Variants in CPS1 observed in about 807,000 individuals in gnomAD.
The protein encoded by CPS1 is carbamoyl-phosphate synthase 1.
A neutral mutation model predicts 174.6 loss-of-function variants in CPS1; 109 were observed. The observed-to-expected ratio is 0.62, with a 90% confidence interval of 0.53 to 0.73. The LOEUF is 0.73. CPS1 is among the 30% of genes least tolerant of loss of function. The pLI is 0.00. For missense variants in CPS1, 1,689 were observed against 1,821.9 expected (o/e 0.93, Z 1.33); for synonymous variants, 637 against 632.0 (o/e 1.01, Z -0.12).
intron 21 of CPS1, among the ~76,000 whole-genome samples, chr2:210,625,465 T>C (rs139862614): frequency 2.0e-5 from 3 of 152,138 alleles, no homozygotes; most frequent in African/African-American, 4.8e-5. Flanking sequence ...GATGTACAGT[T>C]TTTAGGAGGT....
rs750003966 is a variant in CPS1 at position 210,675,730 on chromosome 2, G to A, written c.4164G>A (p.Leu1388=). Residue 1388 remains leucine, a splice_region_variant and synonymous_variant, in exon 36 of 38, where the codon CTG becomes CTA. Coordinates refer to ENST00000233072, the MANE Select transcript of CPS1 (RefSeq NM_001875.5). The part of the protein sequence containing the change: ...AEQLHNEGFK[L]FATEATSDWL... ...TGATTTTTTCATTTTAAATGCAGCT[G>A]TTTGCCACGGAAGCCACATCAGACT... The A allele has an allele frequency of 5.2e-6, 8 of 1,528,100 alleles. No individual in the cohort carries two copies. In the African/African-American group the frequency reaches 9.6e-5, roughly 18 times the overall value. 94.7% of individuals were successfully genotyped at this position (1,528,100 alleles called of 1,614,324 possible). A position where few individuals can be genotyped will look rare whatever the true frequency, so the allele number is the denominator to read the frequency against.
Position 210,558,614 on chromosome 2 carries a change from T to C in CPS1, c.126+1755T>C, listed in dbSNP as rs1233245083. Among the ~76,000 whole-genome samples the C allele has an allele frequency of 2.0e-5, 3 of 151,890 alleles. 1 individual carries two copies. The highest frequency in any genetic ancestry group is 4.4e-5 in the Non-Finnish European group (3 of 67,934). ...TCTTCTCACTCTGTGAGAAGGTAGG[T>C]ATGTAGGTAAGGATAGGTGCATCTT... On this transcript the variant is annotated intron_variant, in intron 1 of 37. Coordinates refer to ENST00000233072, the MANE Select transcript of CPS1 (RefSeq NM_001875.5).
intron 21 of CPS1, among the ~76,000 whole-genome samples, chr2:210,622,818 A>C (rs1205648270): frequency 6.6e-6 from 1 of 150,886 alleles, no homozygotes; most frequent in African/African-American, 2.4e-5. Flanking sequence ...GTGAGAGTAC[A>C]ATTACCAGCT....
intron 37 of CPS1, 89 bp downstream of exon 37, chr2:210,677,225 T>A: frequency 7.9e-7 from 1 of 1,269,080 alleles, no homozygotes; most frequent in Non-Finnish European, 1.1e-6. Context: ...ACATCTCTCT[T>A]TTCCCCTCTT....
At chr2:210,554,119 ATG>A (rs1167803683), upstream of CPS1, among the ~76,000 whole-genome samples, 1 of 143,954 alleles carries the variant, frequency 6.9e-6, no homozygotes. Flanking sequence ...ATATATATGT[ATG>A]TATATATACA....
chr2:210,646,286 CAA>C (rs1280812575), intron 25 of CPS1, among the ~76,000 whole-genome samples: 21 of 151,932 alleles, frequency 1.4e-4, no homozygotes, highest in African/African-American at 5.1e-4. Flanking sequence ...AGATTATAGC[CAA>C]GAGAGTATTT....
chr2:210,676,980 T>G, intron 36 of CPS1, 27 bp from the exon 37 acceptor site: 1 of 1,608,978 alleles, frequency 6.2e-7, no homozygotes, highest in African/African-American at 1.3e-5. Flanking sequence ...TGCCTTGTTG[T>G]CTATAAGTTT....
chr2:210,614,631 T>C (rs1054111626), intron 20 of CPS1, among the ~76,000 whole-genome samples: 2 of 152,038 alleles, frequency 1.3e-5, no homozygotes, highest in Admixed American at 1.3e-4. Context: ...GGTTTTGATT[T>C]GCATTTCTCT....
intron 25 of CPS1, 111 bp from the exon 26 acceptor site, chr2:210,647,752 T>A: frequency 7.5e-7 from 1 of 1,329,246 alleles, no homozygotes; most frequent in Non-Finnish European, 1.1e-6. Context: ...GAGATGTAAA[T>A]ATCACAGTCA....
chr2:210,668,076 ATGTGTG>A (rs3217217), intron 33 of CPS1, 104 bp from the exon 34 acceptor site: 11 of 664,052 alleles, frequency 1.7e-5, no homozygotes, highest in South Asian at 4.8e-5. Context: ...TTGTGCGTGC[ATGTGTG>A]TGTGTGTGTG....
At chr2:210,497,191 A>G (rs1695011154) in intron 1 of CPS1, among the ~76,000 whole-genome samples, 1 of 152,128 alleles carries the variant, frequency 6.6e-6, no homozygotes, top group African/African-American at 2.4e-5. Context: ...ACTGTTTTAT[A>G]TCTACTTTTG....
intron 1 of CPS1, among the ~76,000 whole-genome samples, chr2:210,547,776 G>T (rs543638122): frequency 1.3e-3 from 193 of 151,992 alleles, no homozygotes; most frequent in African/African-American, 4.5e-3. Flanking sequence ...TAGTGAATCT[G>T]TTTACCTGGA....
rs1699310308 is a variant in CPS1, at chr2:210,616,487, T to C, written c.2633T>C (p.Leu878Ser). The change falls in exon 21 of 38, where the codon TTG becomes TCG. Residue 878 changes from leucine (L) to serine (S), a missense_variant. Physicochemically the swap from Leu to Ser is moderately radical, Grantham distance 145. Coordinates refer to ENST00000233072, the MANE Select transcript of CPS1 (RefSeq NM_001875.5). Reference protein sequence around the residue: ...EKLTYIDKWFLYKMRDILNME... With the variant: ...EKLTYIDKWFSYKMRDILNME... Reference sequence around the variant, plus strand: ...CTCACATACATTGACAAGTGGTTTTTGTATAAGATGCGTGATATTTTAAAC... The same window carrying C: ...CTCACATACATTGACAAGTGGTTTTCGTATAAGATGCGTGATATTTTAAAC... 1 of 1,612,316 alleles carries C rather than the reference T, an allele frequency of 6.2e-7. No individual in the cohort carries two copies.
At chr2:210,497,659 C>T (rs1695024615) in intron 1 of CPS1, among the ~76,000 whole-genome samples, 1 of 151,782 alleles carries the variant, frequency 6.6e-6, no homozygotes, top group Non-Finnish European at 1.5e-5. Flanking sequence ...GTGTTTTGTT[C>T]CTGCATTAAT....
chr2:210,624,820 TA>T (rs1559113270), intron 21 of CPS1, among the ~76,000 whole-genome samples: 1 of 152,030 alleles, frequency 6.6e-6, no homozygotes, highest in Non-Finnish European at 1.5e-5. Context: ...GTTTTCAGAG[TA>T]ATATTCAGAT....
At chr2:210,577,235 A>G (rs1697742268) in intron 3 of CPS1, 186 bp from the exon 4 acceptor site, 1 of 614,886 alleles carries the variant, frequency 1.6e-6, no homozygotes, top group East Asian at 2.8e-5. Flanking sequence ...TCTCAGGATA[A>G]TTAATGCAAC....
At chr2:210,619,553 A>G (rs1333658543) in intron 21 of CPS1, 1 of 152,052 alleles carries the variant, frequency 6.6e-6, no homozygotes, top group Non-Finnish European at 1.5e-5. Flanking sequence ...CAGACTCACA[A>G]TTTTTATTTG....
Position 210,612,121 on chromosome 2 carries a change from T to C in CPS1, c.2396T>C (p.Met799Thr), listed in dbSNP as rs1428734452. The C allele has an allele frequency of 2.5e-6, 4 of 1,611,848 alleles. No individual in the cohort carries two copies. Among genetic ancestry groups the C allele is most frequent in the Non-Finnish European group, 3.4e-6 (4 of 1,178,564 alleles). The change falls in exon 20 of 38, where the codon ATG becomes ACG. Residue 799 changes from methionine to threonine, a missense_variant. Met to Thr is a moderately conservative substitution (Grantham distance 81). Coordinates refer to ENST00000233072, the MANE Select transcript of CPS1 (RefSeq NM_001875.5). ...GSSMKSVGEV[M>T]AIGRTFEESF... Reference sequence around the variant, plus strand: ...GGTCTTAAACATGTATTACAGGTCATGGCTATTGGTCGTACCTTTGAGGAG... The same window carrying C: ...GGTCTTAAACATGTATTACAGGTCACGGCTATTGGTCGTACCTTTGAGGAG...
chr2:210,643,050 A>G (rs1243353059), intron 25 of CPS1, among the ~76,000 whole-genome samples: 2 of 152,204 alleles, frequency 1.3e-5, no homozygotes, highest in Non-Finnish European at 2.9e-5. Flanking sequence ...GCCTCTTTCT[A>G]GTTTGTGTGA....
Sources: allele counts gnomAD v4.1 joint callset (sites outside exome capture counted in the v4.1 genomes callset), GRCh38; gene constraint gnomAD v4.1.1; transcripts MANE v1.5; gene names NCBI Gene and HGNC (gene_info 2026-07-23, HGNC 2026-07-21).